The following VAV3 variants were observed in gnomAD, a reference collection of about 807,000 sequenced individuals.
VAV3 encodes the protein guanine nucleotide exchange factor VAV3.
Under a neutral mutation model 131.2 loss-of-function variants are expected in VAV3, and 94 were observed. That is an observed-to-expected ratio of 0.72 (90% CI 0.61 to 0.85). The LOEUF (loss-of-function observed/expected upper bound fraction) is 0.85, where lower values mean the gene tolerates loss of function less well. VAV3 is among the 40% of genes least tolerant of loss of function. The pLI is 0.00. For synonymous variants in VAV3, 349 were observed against 342.0 expected (o/e 1.02, Z -0.22); for missense variants, 939 against 1,002.7 (o/e 0.94, Z 0.86).
intron 2 of VAV3, among the ~76,000 whole-genome samples, chr1:107,796,790 TA>T (rs796941492): frequency 0.021 from 2,837 of 132,196 alleles, 37 homozygotes; most frequent in East Asian, 0.047. Context: ...CTGTTATTTG[TA>T]AAAAAAAAAA....
intron 19 of VAV3, among the ~76,000 whole-genome samples, chr1:107,658,862 T>C (rs1031315164): frequency 2.4e-4 from 37 of 152,108 alleles, no homozygotes; most frequent in Non-Finnish European, 4.1e-4. Context: ...CTTTGTCAGA[T>C]GAGTAGGTTG....
chr1:107,728,105 G>A (rs887743088), intron 15 of VAV3, among the ~76,000 whole-genome samples: 7 of 152,236 alleles, frequency 4.6e-5, no homozygotes, highest in Middle Eastern at 3.4e-3. Context: ...TCAAACAGAT[G>A]GTGGAAAAAC....
intron 14 of VAV3, 98 bp downstream of exon 14, chr1:107,749,364 G>C: frequency 7.6e-7 from 1 of 1,316,606 alleles, no homozygotes; most frequent in South Asian, 1.5e-5. Context: ...AAAAACATCT[G>C]GATTGATAAG....
chr1:107,905,290 C>T (rs1420352563), intron 1 of VAV3, among the ~76,000 whole-genome samples: 1 of 152,208 alleles, frequency 6.6e-6, no homozygotes, highest in African/African-American at 2.4e-5. Context: ...GATTTCCCAT[C>T]CCAAATCATG....
intron 20 of VAV3, among the ~76,000 whole-genome samples, chr1:107,622,865 T>C (rs1653712182): frequency 6.6e-6 from 1 of 152,130 alleles, no homozygotes; most frequent in Non-Finnish European, 1.5e-5. Flanking sequence ...ATACACTGTA[T>C]ACACAAATTA....
chr1:107,574,049 T>C lies in VAV3; in HGVS notation c.2500A>G (p.Arg834Gly), dbSNP rs914413460. 6.2e-7 allele frequency: 1 copy of C among 1,613,988 alleles called. No individual in the cohort carries two copies. Among genetic ancestry groups the C allele is most frequent in the African/African-American group, 1.3e-5 (1 of 75,052 alleles). Residue 834 changes from arginine (R) to glycine (G), a missense_variant and splice_region_variant, in exon 26 of 27, where the codon AGG becomes GGG. Physicochemically the swap from Arg to Gly is moderately radical, Grantham distance 125 (BLOSUM62 -2). Transcript: ENST00000370056. ...NGWWRGEVNG[R>G]VGWFPSTYVE... ...GCACATCGAGAGGGCCAACTTACCC[T>C]GCCATTTACTTCTCCTCTCCACCAG...
At chr1:107,642,817 ACTTT>A in intron 19 of VAV3, 62 bp from the exon 20 acceptor site, 1 of 1,595,982 alleles carries the variant, frequency 6.3e-7, no homozygotes, top group Non-Finnish European at 8.5e-7. Flanking sequence ...GTCTACATGA[ACTTT>A]ACAAAAAATG....
chr1:107,607,129 T>C (rs1652339917), intron 22 of VAV3, among the ~76,000 whole-genome samples: 1 of 151,828 alleles, frequency 6.6e-6, no homozygotes, highest in Non-Finnish European at 1.5e-5. Context: ...TAATTTTTTG[T>C]ATTTTTAGTA....
At chr1:107,867,687 C>T (rs765438482) in intron 2 of VAV3, among the ~76,000 whole-genome samples, 4 of 152,162 alleles carry the variant, frequency 2.6e-5, no homozygotes, top group African/African-American at 7.2e-5. Context: ...ACAAAGCAAA[C>T]GCGGCCTTGG....
chr1:107,924,058 G>T (rs1003705355), intron 1 of VAV3, among the ~76,000 whole-genome samples: 7 of 151,902 alleles, frequency 4.6e-5, no homozygotes. Flanking sequence ...TACTGTTTTG[G>T]ACTTTTCACT....
intron 19 of VAV3, among the ~76,000 whole-genome samples, chr1:107,655,501 C>T (rs908383121): frequency 2.6e-5 from 4 of 152,074 alleles, no homozygotes; most frequent in African/African-American, 4.8e-5. Flanking sequence ...AAATCTAAGG[C>T]CTCAAACTAT....
intron 2 of VAV3, among the ~76,000 whole-genome samples, chr1:107,802,538 G>C (rs557644568): frequency 2.0e-5 from 3 of 152,082 alleles, no homozygotes; most frequent in East Asian, 3.9e-4. Context: ...GTTTGTTGAG[G>C]ATTTTTATCA....
chr1:107,596,769 A>G (rs1246811722), intron 24 of VAV3, among the ~76,000 whole-genome samples: 1 of 152,206 alleles, frequency 6.6e-6, no homozygotes, highest in African/African-American at 2.4e-5. Flanking sequence ...TTTCTTTCAA[A>G]ATGGCAGAAA....
intron 19 of VAV3, among the ~76,000 whole-genome samples, chr1:107,657,807 C>A (rs1277135113): frequency 1.3e-5 from 2 of 152,138 alleles, no homozygotes; most frequent in African/African-American, 2.4e-5. Context: ...CATTTTCATA[C>A]TTGTTATTCA....
intron 1 of VAV3, among the ~76,000 whole-genome samples, chr1:107,946,775 C>A (rs185339503): frequency 6.6e-6 from 1 of 152,278 alleles, no homozygotes; most frequent in Admixed American, 6.5e-5. Flanking sequence ...TCAGTGTCTT[C>A]TAAAATTCTT....
At chr1:107,882,009 G>A in intron 1 of VAV3, among the ~76,000 whole-genome samples, 1 of 152,228 alleles carries the variant, frequency 6.6e-6, no homozygotes, top group African/African-American at 2.4e-5. Context: ...TCAAAGATAT[G>A]AATGCAAACA....
At chr1:107,874,706 T>G (rs903839982) in intron 2 of VAV3, among the ~76,000 whole-genome samples, 195 bp downstream of exon 2, 1 of 138,150 alleles carries the variant, frequency 7.2e-6, no homozygotes, top group African/African-American at 2.8e-5. Context: ...TTTGGTGTTG[T>G]TGTTGTATGT....
chr1:107,817,567 T>C (rs1235373936), intron 2 of VAV3, among the ~76,000 whole-genome samples: 1 of 152,076 alleles, frequency 6.6e-6, no homozygotes, highest in Admixed American at 6.6e-5. Flanking sequence ...GAGCTAAGCT[T>C]TGAAATTACT....
intron 19 of VAV3, among the ~76,000 whole-genome samples, chr1:107,676,671 A>G (rs1235763476): frequency 6.6e-6 from 1 of 152,168 alleles, no homozygotes; most frequent in African/African-American, 2.4e-5. Context: ...ATTGGTTGGT[A>G]TATAATTGAA....
Sources: gnomAD v4.1 joint callset for allele counts (sites outside exome capture counted in the v4.1 genomes callset) on GRCh38, gnomAD v4.1.1 for gene constraint, MANE v1.5 for transcripts, NCBI Gene and HGNC (gene_info 2026-07-23, HGNC 2026-07-21) for gene names.